Variants in HIVEP1 observed in about 807,000 individuals in gnomAD.
The protein encoded by HIVEP1 is HIVEP zinc finger 1.
HIVEP1 carries 36 observed loss-of-function variants against 180.0 expected under a neutral mutation model. The observed-to-expected ratio is 0.20, with a 90% CI of 0.15 to 0.26. The LOEUF (loss-of-function observed/expected upper bound fraction) is 0.26, where lower values mean the gene tolerates loss of function less well. Ranked by LOEUF, HIVEP1 falls within the 10% of genes least tolerant of loss-of-function variation. The pLI is 1.00. For synonymous variants in HIVEP1, 1,239 were observed against 1,239.0 expected (o/e 1.00, Z 0.00); for missense variants, 3,143 against 3,268.7 (o/e 0.96, Z 0.94).
chr6:12,150,327 A>G (rs1028844066), intron 7 of HIVEP1, among the ~76,000 whole-genome samples: 11 of 152,208 alleles, frequency 7.2e-5, no homozygotes, highest in Non-Finnish European at 1.5e-4. Flanking sequence ...TTCGTCAACA[A>G]ATGCTGGACT....
upstream of HIVEP1, among the ~76,000 whole-genome samples, chr6:12,009,303 G>C (rs988705423): frequency 1.3e-5 from 2 of 151,646 alleles, no homozygotes; most frequent in Non-Finnish European, 3.0e-5. Flanking sequence ...CGCGGCTCCG[G>C]GGTGGACTTT....
At chr6:12,017,416 T>C (rs1463042020) in intron 2 of HIVEP1, among the ~76,000 whole-genome samples, 1 of 152,236 alleles carries the variant, frequency 6.6e-6, no homozygotes, top group African/African-American at 2.4e-5. Context: ...TGCACACCTT[T>C]GCGGTGAGTT....
At chr6:12,050,437 C>T (rs1770424699) in intron 2 of HIVEP1, among the ~76,000 whole-genome samples, 1 of 152,046 alleles carries the variant, frequency 6.6e-6, no homozygotes, top group Admixed American at 6.6e-5. Flanking sequence ...TTCAAAAACA[C>T]TAGCCGGGCG....
chr6:12,121,559 T>C lies in HIVEP1; in HGVS notation c.1764T>C (p.Ser588=), dbSNP rs535428473. The C allele has an allele frequency of 1.2e-6, 2 of 1,614,128 alleles. No homozygotes were observed. The highest frequency in any genetic ancestry group is 8.5e-7 in the Non-Finnish European group (1 of 1,180,018). Residue 588 remains serine, a synonymous_variant, in exon 4 of 9, where the codon TCT becomes TCC. Coordinates refer to ENST00000379388, the MANE Select transcript of HIVEP1 (RefSeq NM_002114.4). The surrounding 1 kb of genome is among the most constrained non-coding windows in gnomAD (Gnocchi z 5.3). ...CCATGGATCCCAAGCCTGAACTTTC[T>C]AGTGCACAAAAGCAGAAGGACCTTC... ...PKAMDPKPEL[S]SAQKQKDLQV...
At chr6:12,009,215 C>A (rs1258792787), upstream of HIVEP1, among the ~76,000 whole-genome samples, 1 of 148,464 alleles carries the variant, frequency 6.7e-6, no homozygotes, top group Non-Finnish European at 1.5e-5. Flanking sequence ...TGAGCCGGGC[C>A]CGGCCGGGCG....
Position 12,125,994 on chromosome 6 carries a change from T to C in HIVEP1, c.6075+124T>C, listed in dbSNP as rs1242001441. On this transcript the variant is annotated intron_variant, in intron 4 of 8. Transcript: ENST00000379388. ...TGAGTGACAAATTGTGCTGTAAATG[T>C]CTTATTTGAAAGACAGGGTGATATA... is the stretch of plus-strand genomic sequence containing the variant. The C allele has an allele frequency of 4.7e-6, 3 of 640,854 alleles. No individual in the cohort carries two copies. The Admixed American group carries it at 9.1e-5, about 19-fold the overall frequency. The allele number at this position is 640,854 out of a possible 1,614,324, so 39.7% of individuals were successfully genotyped here.
At chr6:12,027,834 T>C (rs1768684963) in intron 2 of HIVEP1, among the ~76,000 whole-genome samples, 1 of 152,230 alleles carries the variant, frequency 6.6e-6, no homozygotes. Flanking sequence ...ACATCCAATA[T>C]GTTTGAATTC....
chr6:12,102,350 G>C (rs2113400471), intron 3 of HIVEP1, among the ~76,000 whole-genome samples: 1 of 152,216 alleles, frequency 6.6e-6, no homozygotes, highest in African/African-American at 2.4e-5. Flanking sequence ...CCATAAAACA[G>C]TTGATCATTA....
intron 2 of HIVEP1, among the ~76,000 whole-genome samples, chr6:12,043,363 T>G (rs1769903321): frequency 6.8e-6 from 1 of 146,534 alleles, no homozygotes; most frequent in South Asian, 2.3e-4. Flanking sequence ...AAATTTTTTT[T>G]TTTTTTTTTT....
downstream of HIVEP1, among the ~76,000 whole-genome samples, chr6:12,167,696 C>CATATATACATATATGTGTATAAT (rs1562023831): frequency 3.5e-5 from 1 of 28,828 alleles, no homozygotes; most frequent in Non-Finnish European, 6.9e-5. Context: ...AATATATATA[C>CATATATACATATATGTGTATAAT]ATATATACAT....
upstream of HIVEP1, chr6:12,008,814 G>GTT (rs1220260840): frequency 1.3e-5 from 2 of 152,100 alleles, no homozygotes; most frequent in African/African-American, 4.8e-5. Flanking sequence ...CTGCTTTTTT[G>GTT]TTTTTAAAAT....
At chr6:12,179,903 A>C in the HIVEP1 span, among the ~76,000 whole-genome samples, 1 of 152,154 alleles carries the variant, frequency 6.6e-6, no homozygotes, top group Admixed American at 6.6e-5. Flanking sequence ...TCCTGTTAAT[A>C]TAAAACAAAA....
At chr6:12,028,169 A>G (rs1768707969) in intron 2 of HIVEP1, among the ~76,000 whole-genome samples, 1 of 152,212 alleles carries the variant, frequency 6.6e-6, no homozygotes, top group African/African-American at 2.4e-5. Context: ...TTTCCCAGCG[A>G]CAGGAAGAGC....
rs1203918505 is a variant in HIVEP1, at chr6:12,012,378, C to G, written c.-292C>G. On this transcript the variant is annotated 5_prime_UTR_variant, in exon 1 of 9. Coordinates refer to ENST00000379388, the MANE Select transcript of HIVEP1 (RefSeq NM_002114.4). ...CAGGGTGGCGGACGGAGCGGGGGAC[C>G]GGGGAGCGGCGGCCGCCGGAGGAGG... The G allele has an allele frequency of 6.7e-6, 1 of 150,272 alleles. No individual in the cohort carries two copies. The highest frequency in any genetic ancestry group is 1.5e-5 in the Non-Finnish European group (1 of 68,014). The allele number at this position is 150,272 out of a possible 1,614,324, so 9.3% of individuals were successfully genotyped here.
At chr6:12,159,695 G>A (rs1760283436) in intron 7 of HIVEP1, among the ~76,000 whole-genome samples, 1 of 152,292 alleles carries the variant, frequency 6.6e-6, no homozygotes, top group Non-Finnish European at 1.5e-5. Context: ...GGCCCCTAGA[G>A]CCAGTCAATA....
At chr6:12,138,441 C>G (rs564569655) in intron 7 of HIVEP1, among the ~76,000 whole-genome samples, 1 of 152,158 alleles carries the variant, frequency 6.6e-6, no homozygotes, top group African/African-American at 2.4e-5. Context: ...GCACATGTCC[C>G]TGTTTGAGGG....
Position 12,163,827 on chromosome 6 carries a change from C to T in HIVEP1, c.7523C>T (p.Pro2508Leu), listed in dbSNP as rs753051644. 2 of 1,614,160 alleles carry T rather than the reference C, an allele frequency of 1.2e-6. No homozygotes were observed. Among genetic ancestry groups the T allele is most frequent in the Non-Finnish European group, 1.7e-6 (2 of 1,180,022 alleles). The part of the protein sequence containing the change: ...IVGLANTNMA[P>L]QVHPPGLALN... ...GGCCTAGCCAATACAAATATGGCCCCACAAGTCCATCCACCAGGACTGGCT... is the reference window on the plus strand; with the variant it reads ...GGCCTAGCCAATACAAATATGGCCCTACAAGTCCATCCACCAGGACTGGCT... The change falls in exon 9 of 9, where the codon CCA (proline) becomes CTA (leucine). Residue 2508 changes from proline (P) to leucine (L), a missense_variant. Physicochemically the swap from Pro to Leu is moderately conservative, Grantham distance 98. Transcript: ENST00000379388.
At chr6:12,023,857 G>A (rs1768410222) in intron 2 of HIVEP1, among the ~76,000 whole-genome samples, 1 of 152,022 alleles carries the variant, frequency 6.6e-6, no homozygotes, top group Non-Finnish European at 1.5e-5. Context: ...TCTTACCATA[G>A]AACGGAAAAA....
chr6:12,075,240 A>G lies in HIVEP1; in HGVS notation c.41-13944A>G, dbSNP rs776602313. 2.0e-5 allele frequency among the ~76,000 whole-genome samples: 3 copies of G among 152,284 alleles called. 1 individual carries two copies. The South Asian group carries it at 6.2e-4, about 32-fold the overall frequency. ...GATTTTGTATCTTGAAGGCTTTCCA[A>G]TTTTCAGATTCTTAAAGGGGAGGTC... On this transcript the variant is annotated intron_variant, in intron 2 of 8. Coordinates refer to ENST00000379388, the MANE Select transcript of HIVEP1 (RefSeq NM_002114.4).
Sources: gnomAD v4.1 joint callset for allele counts (sites outside exome capture counted in the v4.1 genomes callset) on GRCh38, gnomAD v4.1.1 for gene constraint, Gnocchi (gnomAD v3.1) non-coding constraint, MANE v1.5 for transcripts, NCBI Gene and HGNC (gene_info 2026-07-23, HGNC 2026-07-21) for gene names.